The following FAF1 variants were observed in gnomAD, a reference collection of about 807,000 sequenced individuals.
The protein encoded by FAF1 is Fas associated factor 1.
In FAF1, 25 loss-of-function variants were observed where a neutral mutation model predicts 92.5. The ratio of observed to expected loss-of-function variants is 0.27; its 90% CI spans 0.20 to 0.38. The LOEUF (loss-of-function observed/expected upper bound fraction) is 0.38, where lower values mean the gene tolerates loss of function less well. Among genes scored for constraint, FAF1 ranks in the 10% least tolerant of loss-of-function variants. The probability of loss-of-function intolerance (pLI) is 1.00; values close to 1 mark genes in which losing one functional copy is unlikely to be tolerated. For synonymous variants in FAF1, 234 were observed against 273.2 expected (o/e 0.86, Z 1.42); for missense variants, 636 against 793.3 (o/e 0.80, Z 2.38).
intron 2 of FAF1, chr1:50,846,567 C>G: frequency 1.9e-6 from 1 of 524,014 alleles, no homozygotes; most frequent in Non-Finnish European, 3.8e-6. Context: ...GAAAAAGGAG[C>G]AATAGTGAGG....
At chr1:50,794,789 A>ATTTTTTTTTTTTT (rs59806816) in intron 3 of FAF1, among the ~76,000 whole-genome samples, 1 of 123,494 alleles carries the variant, frequency 8.1e-6, no homozygotes. Context: ...TCACCCAGCT[A>ATTTTTTTTTTTTT]TTTTTTTTTT....
chr1:50,569,121 TAG>T (rs1650309259), intron 12 of FAF1, among the ~76,000 whole-genome samples: 1 of 152,122 alleles, frequency 6.6e-6, no homozygotes, highest in African/African-American at 2.4e-5. Context: ...GATACATTGT[TAG>T]AGAGATACTT....
chr1:50,948,356 T>C (rs1645186741), intron 1 of FAF1, among the ~76,000 whole-genome samples: 1 of 152,256 alleles, frequency 6.6e-6, no homozygotes, highest in Middle Eastern at 3.4e-3. Flanking sequence ...ACAGAAAGCA[T>C]GGTGCCAGCA....
chr1:50,765,575 C>A (rs1457567552), intron 4 of FAF1, among the ~76,000 whole-genome samples: 1 of 152,122 alleles, frequency 6.6e-6, no homozygotes, highest in Non-Finnish European at 1.5e-5. Flanking sequence ...CTAACCATTT[C>A]TAATCAGAAT....
At position 50,547,927 on chromosome 1, in the gene FAF1, T is replaced by G. The variant is rs74082548; in HGVS notation, c.1269-8199A>C. ...CATAAACATTTAAGTACTTGAAAAT[T>G]TCTTCATAAAAATGGTGTTTACTTT... is the stretch of plus-strand genomic sequence containing the variant. On this transcript the variant is annotated intron_variant, in intron 13 of 18. Transcript: ENST00000396153. Among the ~76,000 whole-genome samples the G allele has an allele frequency of 7.7e-3, 1,171 of 152,298 alleles. 13 individuals are homozygous for G. Among genetic ancestry groups the G allele is most frequent in the African/African-American group, 0.027 (1,131 of 41,548 alleles).
intron 1 of FAF1, among the ~76,000 whole-genome samples, chr1:50,951,373 C>T (rs1479576230): frequency 6.6e-6 from 1 of 152,216 alleles, no homozygotes; most frequent in African/African-American, 2.4e-5. Flanking sequence ...CAACAGAGAA[C>T]AAGTACATAC....
chr1:50,458,420 A>G (rs1437345573), intron 18 of FAF1, among the ~76,000 whole-genome samples: 1 of 152,194 alleles, frequency 6.6e-6, no homozygotes, highest in Non-Finnish European at 1.5e-5. Context: ...GACAATATCT[A>G]TCTTTCAGGG....
chr1:50,544,348 C>T (rs991885775), intron 13 of FAF1, among the ~76,000 whole-genome samples: 3 of 152,126 alleles, frequency 2.0e-5, no homozygotes, highest in African/African-American at 7.2e-5. Context: ...ATTTAAAAGG[C>T]AAGTTCCTCA....
chr1:50,695,323 G>A (rs903574911), intron 7 of FAF1, among the ~76,000 whole-genome samples: 13 of 151,852 alleles, frequency 8.6e-5, no homozygotes, highest in African/African-American at 2.4e-4. Flanking sequence ...CAGGAGAATC[G>A]CTTGAACCTG....
At chr1:50,874,758 CTTTTT>C (rs755424291) in intron 1 of FAF1, among the ~76,000 whole-genome samples, 8 of 67,254 alleles carry the variant, frequency 1.2e-4, no homozygotes, top group Middle Eastern at 0.014. Context: ...TCTTTTCTTT[CTTTTT>C]TTTTTTTTTT....
chr1:50,542,763 C>T lies in FAF1; in HGVS notation c.1269-3035G>A, dbSNP rs552729432. ...ATTTCTGAATAAATTGAACAGCCTG[C>T]CCATCATAGAACATTTGAGGAGGGG... On this transcript the variant is annotated intron_variant, in intron 13 of 18. Coordinates refer to ENST00000396153, the MANE Select transcript of FAF1 (RefSeq NM_007051.3). Among the ~76,000 whole-genome samples, 14 of 152,252 alleles carry T rather than the reference C, an allele frequency of 9.2e-5. 1 individual carries two copies. In the South Asian group the frequency reaches 2.1e-3, roughly 23 times the overall value.
At chr1:50,768,969 TA>T (rs1204990065) in intron 4 of FAF1, among the ~76,000 whole-genome samples, 1 of 149,582 alleles carries the variant, frequency 6.7e-6, no homozygotes. Flanking sequence ...AACTGAGACA[TA>T]AAAAAATATA....
chr1:50,762,574 A>G (rs1424257593), intron 4 of FAF1, among the ~76,000 whole-genome samples: 2 of 152,222 alleles, frequency 1.3e-5, no homozygotes, highest in Admixed American at 6.5e-5. Flanking sequence ...AACCTGAGAA[A>G]AACAAGCAAT....
chr1:50,953,241 G>C (rs916255403), intron 1 of FAF1, among the ~76,000 whole-genome samples: 3 of 151,858 alleles, frequency 2.0e-5, no homozygotes, highest in Non-Finnish European at 2.9e-5. Flanking sequence ...AAGTACCCAG[G>C]GACACAAACA....
chr1:50,785,132 CAAAA>C (rs748061344), intron 4 of FAF1, among the ~76,000 whole-genome samples: 6 of 59,134 alleles, frequency 1.0e-4, no homozygotes, highest in African/African-American at 2.5e-4. Context: ...GACCCTATCT[CAAAA>C]AAAAAAAAAA....
intron 2 of FAF1, among the ~76,000 whole-genome samples, chr1:50,808,364 A>C (rs955876281): frequency 2.6e-5 from 4 of 152,212 alleles, no homozygotes; most frequent in Non-Finnish European, 5.9e-5. Context: ...AAGATGCGTA[A>C]CAACCAGGTA....
At chr1:50,781,754 A>AT (rs1197347429) in intron 4 of FAF1, among the ~76,000 whole-genome samples, 19 of 152,338 alleles carry the variant, frequency 1.2e-4, no homozygotes, top group African/African-American at 4.6e-4. Flanking sequence ...ATATTACTCC[A>AT]TAAAAAAGTC....
intron 15 of FAF1, among the ~76,000 whole-genome samples, chr1:50,528,968 G>T (rs1005204888): frequency 6.6e-6 from 1 of 151,912 alleles, no homozygotes; most frequent in African/African-American, 2.4e-5. Flanking sequence ...TTATTAATGC[G>T]CTATATAATA....
chr1:50,846,572 G>C (rs1205489240), intron 2 of FAF1: 20 of 527,808 alleles, frequency 3.8e-5, no homozygotes, highest in Non-Finnish European at 7.2e-5. Context: ...AGGAGCAATA[G>C]TGAGGAACTT....
Sources: gnomAD v4.1 joint callset for allele counts (sites outside exome capture counted in the v4.1 genomes callset) on GRCh38, gnomAD v4.1.1 for gene constraint, MANE v1.5 for transcripts, NCBI Gene and HGNC (gene_info 2026-07-23, HGNC 2026-07-21) for gene names.